Variants in FTO observed in about 807,000 individuals in gnomAD.
FTO encodes the protein FTO alpha-ketoglutarate dependent dioxygenase.
FTO carries 47 observed loss-of-function variants against 63.9 expected under a neutral mutation model. The ratio of observed to expected loss-of-function variants is 0.74; its 90% CI spans 0.58 to 0.94. FTO has a LOEUF of 0.94. Ranked by LOEUF, FTO falls within the 40% of genes least tolerant of loss-of-function variation. The pLI, the probability that FTO is intolerant of heterozygous loss-of-function variation, is 0.00. For missense variants in FTO, 562 were observed against 618.1 expected (o/e 0.91, Z 0.96); for synonymous variants, 207 against 224.4 (o/e 0.92, Z 0.69).
intron 8 of FTO, among the ~76,000 whole-genome samples, chr16:54,094,120 G>A (rs780796433): frequency 7.2e-5 from 11 of 152,256 alleles, no homozygotes; most frequent in South Asian, 2.1e-4. Flanking sequence ...CCACCAGCCC[G>A]TTGACCAGAG....
rs77256474 is a variant in FTO at position 53,704,342 on chromosome 16, A to G, written c.45+113A>G. 839 of 1,039,428 alleles carry G rather than the reference A, an allele frequency of 8.1e-4. 3 individuals are homozygous for G. In the African/African-American group the frequency reaches 0.011, roughly 13 times the overall value. The allele number at this position is 1,039,428 out of a possible 1,614,324, so 64.4% of individuals were successfully genotyped here. On this transcript the variant is annotated intron_variant, in intron 1 of 8. Coordinates refer to ENST00000471389, the MANE Select transcript of FTO (RefSeq NM_001080432.3). Reference sequence around the variant, plus strand: ...ATGCGCGGTGTTAAACTAAGGGATGACAGGGCCTTGTCAGCAAGGGACCTG... The same window carrying G: ...ATGCGCGGTGTTAAACTAAGGGATGGCAGGGCCTTGTCAGCAAGGGACCTG...
chr16:54,087,840 G>C (rs566056731), intron 8 of FTO, among the ~76,000 whole-genome samples: 1 of 152,200 alleles, frequency 6.6e-6, no homozygotes, highest in African/African-American at 2.4e-5. Flanking sequence ...CAAAGAAATT[G>C]TTTCACCTAG....
chr16:53,884,504 T>C (rs758440239), intron 6 of FTO, among the ~76,000 whole-genome samples: 2 of 152,182 alleles, frequency 1.3e-5, no homozygotes, highest in Admixed American at 1.3e-4. Context: ...CTTTCCGTTA[T>C]TACAGTGAGA....
intron 8 of FTO, among the ~76,000 whole-genome samples, chr16:54,093,942 C>A (rs1281050409): frequency 6.6e-6 from 1 of 152,136 alleles, no homozygotes; most frequent in East Asian, 1.9e-4. Flanking sequence ...CCAGACGTGA[C>A]TTTGGGTCCC....
Position 54,082,521 on chromosome 16 carries a change from G to A in FTO, c.1365-29241G>A, listed in dbSNP as rs570644955. Among the ~76,000 whole-genome samples, 57 of 152,260 alleles carry A rather than the reference G, an allele frequency of 3.7e-4. 1 individual carries two copies. Among genetic ancestry groups the A allele is most frequent in the Admixed American group, 1.9e-3 (29 of 15,286 alleles). ...TTAACATTGTTTTCATATGTGTTATGGGCCACGCATGCTCCATGACTTTTA... is the reference window on the plus strand; with the variant it reads ...TTAACATTGTTTTCATATGTGTTATAGGCCACGCATGCTCCATGACTTTTA... On this transcript the variant is annotated intron_variant, in intron 8 of 8. Coordinates refer to ENST00000471389, the MANE Select transcript of FTO (RefSeq NM_001080432.3).
At chr16:53,892,754 T>G (rs2081183384) in intron 7 of FTO, among the ~76,000 whole-genome samples, 1 of 152,174 alleles carries the variant, frequency 6.6e-6, no homozygotes, top group Admixed American at 6.5e-5. Flanking sequence ...AAGCAACCTT[T>G]ATCGGCCCTC....
chr16:53,911,552 G>A lies in FTO; in HGVS notation c.1240-22433G>A, dbSNP rs925633574. 4 of 695,642 alleles carry A rather than the reference G, an allele frequency of 5.8e-6. No homozygotes were observed. In the East Asian group the frequency reaches 1.1e-4, roughly 19 times the overall value. 43.1% of individuals were successfully genotyped at this position (695,642 alleles called of 1,614,324 possible). Reference sequence around the variant, plus strand: ...TAGATGCATTTGTGTCATCTGATCTGAGGAGACATTTCTCAGAAACCATTC... The same window carrying A: ...TAGATGCATTTGTGTCATCTGATCTAAGGAGACATTTCTCAGAAACCATTC... On this transcript the variant is annotated intron_variant, in intron 7 of 8. Transcript: ENST00000471389.
intron 1 of FTO, among the ~76,000 whole-genome samples, chr16:53,765,601 A>G (rs1411456992): frequency 6.6e-6 from 1 of 152,040 alleles, no homozygotes; most frequent in Non-Finnish European, 1.5e-5. Context: ...GGTCGTAAAT[A>G]AGGCCATGTC....
chr16:53,912,005 T>C (rs1447229431), intron 7 of FTO, among the ~76,000 whole-genome samples: 1 of 152,244 alleles, frequency 6.6e-6, no homozygotes, highest in East Asian at 1.9e-4. Context: ...ATATCGTAAC[T>C]ACAGGATAGC....
At chr16:53,929,915 G>A (rs981063663) in intron 7 of FTO, among the ~76,000 whole-genome samples, 16 of 152,194 alleles carry the variant, frequency 1.1e-4, no homozygotes, top group Non-Finnish European at 1.0e-4. Flanking sequence ...CAGTAGGGAA[G>A]TGCACCCACA....
intron 8 of FTO, chr16:53,992,909 C>CA (rs1453702826): frequency 2.0e-5 from 3 of 152,174 alleles, no homozygotes; most frequent in African/African-American, 7.2e-5. Context: ...AAAGATTCAA[C>CA]AGTGATTTAG....
intron 7 of FTO, among the ~76,000 whole-genome samples, chr16:53,906,585 T>C (rs1318260436): frequency 6.6e-6 from 1 of 152,180 alleles, no homozygotes; most frequent in Non-Finnish European, 1.5e-5. Flanking sequence ...GATGGTAGGA[T>C]ACATTTAGGT....
intron 1 of FTO, among the ~76,000 whole-genome samples, chr16:53,793,799 A>G (rs889988367): frequency 6.6e-6 from 1 of 152,244 alleles, no homozygotes; most frequent in Admixed American, 6.5e-5. Flanking sequence ...GAGAAATAAA[A>G]AAAATTCTAA....
intron 8 of FTO, among the ~76,000 whole-genome samples, chr16:53,971,845 T>A (rs1205675699): frequency 2.0e-5 from 3 of 152,238 alleles, no homozygotes; most frequent in Non-Finnish European, 4.4e-5. Flanking sequence ...AGAAGCCATC[T>A]AATAAAATCC....
intron 1 of FTO, among the ~76,000 whole-genome samples, chr16:53,747,733 A>G (rs1215237880): frequency 6.6e-6 from 1 of 152,088 alleles, no homozygotes; most frequent in East Asian, 1.9e-4. Context: ...ATATAAAAAT[A>G]ATTGCTCAGA....
rs540647418 is a variant in FTO, at chr16:54,005,025, G to A, written c.1364+70916G>A. On this transcript the variant is annotated intron_variant, in intron 8 of 8. Coordinates refer to ENST00000471389, the MANE Select transcript of FTO (RefSeq NM_001080432.3). ...GCAGAGCTCACAGTGAGCCGAGATC[G>A]CGCCACGGCACTCCAGCCTGGGCCA... 2.7e-5 allele frequency among the ~76,000 whole-genome samples: 4 copies of A among 147,954 alleles called. No homozygotes were observed. The Admixed American group carries it at 2.7e-4, about 10-fold the overall frequency.
At chr16:53,771,845 G>A (rs1398395266) in intron 1 of FTO, among the ~76,000 whole-genome samples, 2 of 152,036 alleles carry the variant, frequency 1.3e-5, no homozygotes, top group African/African-American at 4.8e-5. Context: ...CATATGCTCC[G>A]TAAAAGAAGC....
At chr16:53,942,036 T>C (rs2082542264) in intron 8 of FTO, among the ~76,000 whole-genome samples, 1 of 152,188 alleles carries the variant, frequency 6.6e-6, no homozygotes, top group Non-Finnish European at 1.5e-5. Context: ...ATAAGTACTT[T>C]GTCTGCTTTA....
chr16:53,989,958 T>G (rs1432945803), intron 8 of FTO, among the ~76,000 whole-genome samples: 1 of 152,226 alleles, frequency 6.6e-6, no homozygotes, highest in African/African-American at 2.4e-5. Context: ...GTGATTTTCT[T>G]AACATTTTCT....
Sources: allele counts gnomAD v4.1 joint callset (sites outside exome capture counted in the v4.1 genomes callset), GRCh38; gene constraint gnomAD v4.1.1; transcripts MANE v1.5; gene names NCBI Gene and HGNC (gene_info 2026-07-23, HGNC 2026-07-21).